CNTN4: variants seen among roughly 807,000 people sequenced by gnomAD.
CNTN4 encodes contactin-4.
Under a neutral mutation model 122.5 loss-of-function variants are expected in CNTN4, and 77 were observed. That is an observed-to-expected ratio of 0.63 (90% CI 0.52 to 0.76). The LOEUF (loss-of-function observed/expected upper bound fraction) is 0.76, where lower values mean the gene tolerates loss of function less well. Ranked by LOEUF, CNTN4 falls within the 30% of genes least tolerant of loss-of-function variation. The pLI, the probability that CNTN4 is intolerant of heterozygous loss-of-function variation, is 0.00. For synonymous variants in CNTN4, 512 were observed against 447.0 expected, an observed-to-expected ratio of 1.15 and a Z score of -1.83; for missense variants, 1,256 against 1,259.1, an observed-to-expected ratio of 1.00 and a Z score of 0.04.
At chr3:2,952,190 C>T (rs924069890) in intron 13 of CNTN4, among the ~76,000 whole-genome samples, 5 of 152,150 alleles carry the variant, frequency 3.3e-5, no homozygotes, top group Non-Finnish European at 5.9e-5. Flanking sequence ...GCAGCCTTAT[C>T]GAAAGCCTTA....
intron 4 of CNTN4, among the ~76,000 whole-genome samples, chr3:2,711,967 A>G (rs1259538167): frequency 6.6e-6 from 1 of 152,188 alleles, no homozygotes; most frequent in Non-Finnish European, 1.5e-5. Flanking sequence ...TTATATTAAG[A>G]CTTTTTAAAA....
At chr3:2,283,440 T>G (rs533583086) in intron 2 of CNTN4, among the ~76,000 whole-genome samples, 1 of 152,212 alleles carries the variant, frequency 6.6e-6, no homozygotes, top group East Asian at 1.9e-4. Context: ...TCCTTGAAAG[T>G]TGGAATGGAA....
chr3:2,640,413 T>C (rs1338511033), intron 4 of CNTN4, among the ~76,000 whole-genome samples: 2 of 152,222 alleles, frequency 1.3e-5, no homozygotes, highest in East Asian at 3.8e-4. Flanking sequence ...CACACAGTTT[T>C]TGTACAGAAA....
intron 3 of CNTN4, among the ~76,000 whole-genome samples, chr3:2,434,386 G>T (rs1206654328): frequency 6.6e-6 from 1 of 152,138 alleles, no homozygotes; most frequent in Non-Finnish European, 1.5e-5. Context: ...AGAGTAAAGG[G>T]AAGGGCATGT....
In CNTN4 at chr3:3,000,564, G is replaced by A. The variant is rs562366070; in HGVS notation, c.1486+12092G>A. Among the ~76,000 whole-genome samples the A allele has an allele frequency of 2.0e-5, 3 of 152,356 alleles. No homozygotes were observed. In the South Asian group the frequency reaches 6.2e-4, roughly 32 times the overall value. ...AACAATTAGGCCATTGGCCTATTAT[G>A]TATGACATTCATTTCCAGACTAGAC... On this transcript the variant is annotated intron_variant, in intron 14 of 24. Transcript: ENST00000418658.
At chr3:2,545,518 A>C (rs1481935592) in intron 3 of CNTN4, among the ~76,000 whole-genome samples, 1 of 152,020 alleles carries the variant, frequency 6.6e-6, no homozygotes, top group African/African-American at 2.4e-5. Context: ...GTCTCTGAGA[A>C]CTTGCTTTAT....
chr3:2,387,094 A>G (rs1477579894), intron 3 of CNTN4, among the ~76,000 whole-genome samples: 27 of 152,176 alleles, frequency 1.8e-4, no homozygotes, highest in Admixed American at 1.8e-3. Context: ...TAATAAATAA[A>G]TATTCATTTT....
chr3:2,368,069 G>C (rs571347123), intron 3 of CNTN4, among the ~76,000 whole-genome samples: 2 of 129,166 alleles, frequency 1.5e-5, no homozygotes, highest in African/African-American at 6.1e-5. Context: ...GTGTCGCTCT[G>C]TCGCCCAGGC....
At position 2,967,147 on chromosome 3, in the gene CNTN4, G is replaced by A. The variant is rs147241818; in HGVS notation, c.1359-21198G>A. On this transcript the variant is annotated intron_variant, in intron 13 of 24. Coordinates refer to ENST00000418658, the MANE Select transcript of CNTN4 (RefSeq NM_175607.3). ...TTGGTGGGTTGGTGGGGAGCAGGGGGCAGTGAGTCAGGAGTTCTGATTGGT... is the reference window on the plus strand; with the variant it reads ...TTGGTGGGTTGGTGGGGAGCAGGGGACAGTGAGTCAGGAGTTCTGATTGGT... Among the ~76,000 whole-genome samples the A allele has an allele frequency of 2.1e-3, 316 of 152,224 alleles. 1 individual carries two copies. Among genetic ancestry groups the A allele is most frequent in the African/African-American group, 7.0e-3 (291 of 41,544 alleles).
At chr3:2,486,079 T>A (rs6442734) in intron 3 of CNTN4, among the ~76,000 whole-genome samples, 1 of 151,966 alleles carries the variant, frequency 6.6e-6, no homozygotes, top group African/African-American at 2.4e-5. Context: ...GCAGCTTCTC[T>A]CCTGAGGCCA....
chr3:2,352,629 G>T (rs2044677912), intron 3 of CNTN4, among the ~76,000 whole-genome samples: 1 of 152,138 alleles, frequency 6.6e-6, no homozygotes. Flanking sequence ...CCTCCCCTTG[G>T]TGCAGGGCTC....
At chr3:2,356,774 C>T (rs930423693) in intron 3 of CNTN4, among the ~76,000 whole-genome samples, 7 of 152,124 alleles carry the variant, frequency 4.6e-5, no homozygotes, top group Admixed American at 4.6e-4. Flanking sequence ...TGTCTTTTTT[C>T]AGCTCTGGTC....
intron 3 of CNTN4, among the ~76,000 whole-genome samples, chr3:2,494,660 C>T (rs1383215199): frequency 6.6e-6 from 1 of 152,154 alleles, no homozygotes; most frequent in Admixed American, 6.5e-5. Flanking sequence ...AGCTTTTCCC[C>T]ACAAGAAACA....
intron 14 of CNTN4, among the ~76,000 whole-genome samples, chr3:3,010,465 TAAAA>T (rs5846237): frequency 0.26 from 37,791 of 147,060 alleles, 4,933 homozygotes; most frequent in Middle Eastern, 0.36. Flanking sequence ...CTTATGCCAT[TAAAA>T]AAAAAAAAAA....
intron 2 of CNTN4, among the ~76,000 whole-genome samples, chr3:2,335,408 G>A (rs1178543): frequency 0.75 from 114,126 of 151,768 alleles, 43,364 homozygotes; most frequent in East Asian, 0.95. Flanking sequence ...AAAGGTAGGA[G>A]TACATTAGGC....
intron 7 of CNTN4, among the ~76,000 whole-genome samples, chr3:2,852,661 T>A (rs1214408974): frequency 1.3e-5 from 2 of 152,194 alleles, no homozygotes; most frequent in Non-Finnish European, 2.9e-5. Context: ...GTCTTAGATA[T>A]GTTAAGTAAC....
At chr3:2,800,636 C>G (rs1297525434) in intron 6 of CNTN4, among the ~76,000 whole-genome samples, 2 of 152,182 alleles carry the variant, frequency 1.3e-5, no homozygotes, top group Non-Finnish European at 2.9e-5. Flanking sequence ...TAAGTCAAAC[C>G]ATGTCACTCC....
At chr3:2,942,644 T>G (rs2094627371) in intron 13 of CNTN4, among the ~76,000 whole-genome samples, 1 of 152,176 alleles carries the variant, frequency 6.6e-6, no homozygotes, top group South Asian at 2.1e-4. Flanking sequence ...GGTACAGTTG[T>G]AAATACTACA....
intron 5 of CNTN4, 92 bp downstream of exon 5, chr3:2,736,433 TTTTA>T (rs1218546693): frequency 6.6e-6 from 5 of 752,320 alleles, no homozygotes; most frequent in South Asian, 7.3e-5. Flanking sequence ...CATAAAGAGC[TTTTA>T]TTTATTTATT....
Sources: gnomAD v4.1 joint callset for allele counts (sites outside exome capture counted in the v4.1 genomes callset) on GRCh38, gnomAD v4.1.1 for gene constraint, MANE v1.5 for transcripts, NCBI Gene and HGNC (gene_info 2026-07-23, HGNC 2026-07-21) for gene names.